The following RMDN2 variants were observed in gnomAD, a reference collection of about 807,000 sequenced individuals.
RMDN2 encodes regulator of microtubule dynamics protein 2.
RMDN2 carries 61 observed loss-of-function variants against 52.8 expected under a neutral mutation model. That is an observed-to-expected ratio of 1.16 (90% CI 0.94 to 1.43). RMDN2 has a LOEUF of 1.43. Among genes scored for constraint, RMDN2 ranks in the 40% most tolerant of loss-of-function variants. RMDN2 has a pLI of 0.00. For missense variants in RMDN2, 592 were observed against 475.3 expected (o/e 1.25, Z -2.28); for synonymous variants, 180 against 153.1 (o/e 1.18, Z -1.30).
chr2:38,034,670 A>G (rs1680452657), intron 10 of RMDN2, among the ~76,000 whole-genome samples: 1 of 151,700 alleles, frequency 6.6e-6, no homozygotes, highest in Non-Finnish European at 1.5e-5. Flanking sequence ...TTCTTATTTT[A>G]TGCTTGAATC....
At chr2:37,937,190 G>A (rs548237669) in intron 2 of RMDN2, among the ~76,000 whole-genome samples, 7 of 152,162 alleles carry the variant, frequency 4.6e-5, no homozygotes, top group African/African-American at 1.7e-4. Flanking sequence ...TTTTTGTCAG[G>A]TTTGTCAAAG....
chr2:38,052,189 G>T (rs1681643217), intron 10 of RMDN2, among the ~76,000 whole-genome samples: 1 of 151,790 alleles, frequency 6.6e-6, no homozygotes, highest in African/African-American at 2.4e-5. Flanking sequence ...TGTTACTTTT[G>T]GTCTTTTTGA....
intron 10 of RMDN2, among the ~76,000 whole-genome samples, chr2:38,046,412 G>C (rs1681273133): frequency 6.6e-6 from 1 of 152,054 alleles, no homozygotes; most frequent in South Asian, 2.1e-4. Flanking sequence ...ACTGAGTGGA[G>C]ATAGCAGCAG....
chr2:38,017,651 T>C lies in RMDN2; in HGVS notation c.*412T>C, dbSNP rs1168567482. The C allele has an allele frequency of 3.3e-6, 3 of 919,494 alleles. No homozygotes were observed. The Admixed American group carries it at 1.1e-4, about 33-fold the overall frequency. 57.0% of individuals were successfully genotyped at this position (919,494 alleles called of 1,614,324 possible). A position where few individuals can be genotyped will look rare whatever the true frequency, so the allele number is the denominator to read the frequency against. ...CTCAGCAAAGGACATGAACAAGTTG[T>C]TGGCAGAAGAGGAAAAACAAACAAA... On this transcript the variant is annotated 3_prime_UTR_variant, in exon 11 of 11. Transcript: ENST00000354545.
At chr2:37,977,843 G>A (rs1265672427) in intron 4 of RMDN2, among the ~76,000 whole-genome samples, 4 of 151,554 alleles carry the variant, frequency 2.6e-5, no homozygotes, top group African/African-American at 4.9e-5. Context: ...CAGACTGGGC[G>A]GCCGGGCAGA....
intron 2 of RMDN2, among the ~76,000 whole-genome samples, chr2:37,958,579 G>T (rs558106112): frequency 1.3e-5 from 2 of 150,862 alleles, no homozygotes; most frequent in African/African-American, 5.0e-5. Context: ...TATGATATCC[G>T]CAAACAGAGA....
intron 5 of RMDN2, among the ~76,000 whole-genome samples, chr2:37,982,645 G>T (rs1485040133): frequency 6.6e-6 from 1 of 152,014 alleles, no homozygotes; most frequent in Non-Finnish European, 1.5e-5. Context: ...CTTGCTTTAG[G>T]GATTGGAGTA....
chr2:37,929,793 T>G, intron 2 of RMDN2, 64 bp downstream of exon 2: 1 of 1,091,614 alleles, frequency 9.2e-7, no homozygotes, highest in Non-Finnish European at 1.3e-6. Flanking sequence ...ATTATTTAGG[T>G]ATTTTCATTA....
rs1674483472 is a variant in RMDN2 at position 37,989,571 on chromosome 2, G to C, written c.822G>C (p.Glu274Asp). ...CAGTTTTGTGTGGCTATGTATCTGA[G>C]TTTGAGGGTTTACAAAACAAAATCA... ...WYAVLCGYVS[E>D]FEGLQNKINY... Residue 274 changes from glutamate (E) to aspartate (D), a missense_variant, in exon 6 of 11, where the codon GAG (glutamate) becomes GAC (aspartate). Transcript: ENST00000354545. The C allele has an allele frequency of 6.2e-7, 1 of 1,610,170 alleles. No homozygotes were observed. The highest frequency in any genetic ancestry group is 1.7e-4 in the Middle Eastern group (1 of 6,034).
At chr2:37,990,810 A>G (rs992922541) in intron 6 of RMDN2, among the ~76,000 whole-genome samples, 3 of 152,144 alleles carry the variant, frequency 2.0e-5, no homozygotes, top group Non-Finnish European at 4.4e-5. Context: ...ACCATTTGAT[A>G]ATGCCAGAGG....
intron 10 of RMDN2, chr2:38,012,725 C>G (rs1256497422): frequency 3.0e-5 from 11 of 367,640 alleles, no homozygotes; most frequent in Middle Eastern, 1.1e-3. Context: ...ACCCCTCCAT[C>G]TCTATAAAGT....
chr2:37,950,691 T>A, intron 2 of RMDN2: 1 of 1,174,182 alleles, frequency 8.5e-7, no homozygotes, highest in Non-Finnish European at 1.3e-6. Flanking sequence ...CCATAATAAC[T>A]GGATATCCTG....
At chr2:38,006,916 T>G (rs917868464) in intron 10 of RMDN2, among the ~76,000 whole-genome samples, 2 of 152,070 alleles carry the variant, frequency 1.3e-5, no homozygotes, top group East Asian at 1.9e-4. Flanking sequence ...TAGCATGAAG[T>G]GTTGTTGAAT....
intron 5 of RMDN2, among the ~76,000 whole-genome samples, chr2:37,987,868 G>A (rs1046916590): frequency 7.5e-6 from 1 of 133,934 alleles, no homozygotes; most frequent in African/African-American, 3.0e-5. Flanking sequence ...AGACCAGTCT[G>A]GCCAACATGG....
chr2:38,032,158 G>C (rs1284690326), intron 10 of RMDN2, among the ~76,000 whole-genome samples: 2 of 152,058 alleles, frequency 1.3e-5, no homozygotes, highest in Non-Finnish European at 2.9e-5. Context: ...GATGGGTTTT[G>C]ACAAATTTTA....
chr2:38,053,372 C>T (rs780994612), intron 10 of RMDN2, among the ~76,000 whole-genome samples: 3 of 152,088 alleles, frequency 2.0e-5, no homozygotes, highest in Admixed American at 6.6e-5. Context: ...TTTGAGGTTT[C>T]GTGGGAATGT....
At chr2:38,013,509 T>C (rs1678295559) in intron 10 of RMDN2, among the ~76,000 whole-genome samples, 1 of 152,248 alleles carries the variant, frequency 6.6e-6, no homozygotes, top group African/African-American at 2.4e-5. Context: ...GGTATAGTTG[T>C]CTTTGAAATG....
chr2:38,049,863 T>G (rs1681483771), intron 10 of RMDN2, among the ~76,000 whole-genome samples: 1 of 152,170 alleles, frequency 6.6e-6, no homozygotes, highest in African/African-American at 2.4e-5. Context: ...ACAAGATTAT[T>G]GATGGTTTGT....
chr2:37,997,552 A>G (rs770033224), intron 8 of RMDN2, 38 bp downstream of exon 8: 8 of 1,266,726 alleles, frequency 6.3e-6, no homozygotes, highest in African/African-American at 2.9e-5. Context: ...TGTCAGACTG[A>G]TTACCATCTG....
Sources: gnomAD v4.1 joint callset for allele counts (sites outside exome capture counted in the v4.1 genomes callset) on GRCh38, gnomAD v4.1.1 for gene constraint, MANE v1.5 for transcripts, NCBI Gene and HGNC (gene_info 2026-07-23, HGNC 2026-07-21) for gene names.